Variants in ZMYM1 observed in about 807,000 individuals in gnomAD.
ZMYM1 encodes the protein zinc finger MYM-type containing 1, also known as zinc finger MYM-type protein 1.
A neutral mutation model predicts 60.0 loss-of-function variants in ZMYM1; 39 were observed. The observed-to-expected ratio is 0.65, with a 90% CI of 0.50 to 0.85. The LOEUF is 0.85. Ranked by LOEUF, ZMYM1 falls within the 40% of genes least tolerant of loss-of-function variation. ZMYM1 has a pLI of 0.00. For missense variants in ZMYM1, 1,171 were observed against 1,309.5 expected (o/e 0.89, Z 1.63); for synonymous variants, 413 against 454.0 (o/e 0.91, Z 1.15).
intron 9 of ZMYM1, 113 bp from the exon 10 acceptor site, chr1:35,112,864 G>A (rs1644142566): frequency 3.2e-6 from 3 of 943,266 alleles, no homozygotes; most frequent in Non-Finnish European, 4.3e-6. Flanking sequence ...CCCTAGTGGA[G>A]CTCATACTGT....
At chr1:35,074,358 A>C (rs914084772) in intron 1 of ZMYM1, among the ~76,000 whole-genome samples, 2 of 152,098 alleles carry the variant, frequency 1.3e-5, no homozygotes, top group African/African-American at 4.8e-5. Context: ...TGTTCTGTAA[A>C]TGTCTGTTAA....
Position 35,114,361 on chromosome 1 carries a change from A to T in ZMYM1, c.2531A>T (p.Asp844Val), listed in dbSNP as rs1421162214. Residue 844 changes from aspartate to valine, a missense_variant, in exon 10 of 10, where the codon GAT (aspartate) becomes GTT (valine). By Grantham distance (152) the Asp-to-Val change is radical. Transcript: ENST00000359858. ...ASHSSNTSFA[D>V]ELSHLLTLVS... is the part of the protein sequence containing the mutation. ...CATTCTTCAAATACAAGTTTCGCCG[A>T]TGAATTGAGTCATTTGCTGACATTG... 2 of 1,612,374 alleles carry T rather than the reference A, an allele frequency of 1.2e-6. No homozygotes were observed. Among genetic ancestry groups the T allele is most frequent in the Non-Finnish European group, 1.7e-6 (2 of 1,179,380 alleles).
At chr1:35,065,935 T>C (rs1170445064) in intron 1 of ZMYM1, among the ~76,000 whole-genome samples, 1 of 152,114 alleles carries the variant, frequency 6.6e-6, no homozygotes, top group African/African-American at 2.4e-5. Context: ...TTCAACAATT[T>C]AGGTGAAATG....
rs1380884908 is a variant in ZMYM1 at position 35,115,364 on chromosome 1, T to C, written c.*105T>C. The C allele has an allele frequency of 7.0e-6, 9 of 1,281,418 alleles. No individual in the cohort carries two copies. Among genetic ancestry groups the C allele is most frequent in the Non-Finnish European group, 9.4e-6 (9 of 958,216 alleles). 79.4% of individuals were successfully genotyped at this position (1,281,418 alleles called of 1,614,324 possible). A position where few individuals can be genotyped will look rare whatever the true frequency, so the allele number is the denominator to read the frequency against. On this transcript the variant is annotated 3_prime_UTR_variant, in exon 10 of 10. Transcript: ENST00000359858. ...AGACACAGAACGATAAACAGTGAAG[T>C]CTCCTTCCCTCCTTTAGAACTCATT...
At chr1:35,072,398 G>A (rs1569847541) in intron 1 of ZMYM1, among the ~76,000 whole-genome samples, 1 of 152,210 alleles carries the variant, frequency 6.6e-6, no homozygotes, top group South Asian at 2.1e-4. Flanking sequence ...ATCAGTTGCA[G>A]TGTCTTCTTT....
chr1:35,063,995 G>A (rs775209968), intron 1 of ZMYM1, among the ~76,000 whole-genome samples: 23 of 152,124 alleles, frequency 1.5e-4, no homozygotes, highest in Non-Finnish European at 2.4e-4. Context: ...CGAAATGATA[G>A]ATATCCAGTA....
Position 35,110,399 on chromosome 1 carries a change from A to G in ZMYM1, c.913A>G (p.Ile305Val). 4 of 1,583,362 alleles carry G rather than the reference A, an allele frequency of 2.5e-6. No homozygotes were observed. The highest frequency in any genetic ancestry group is 3.4e-6 in the Non-Finnish European group (4 of 1,166,584). The change falls in exon 7 of 10, where the codon ATT becomes GTT. Residue 305 changes from isoleucine to valine, a missense_variant. Transcript: ENST00000359858. ...GGGGAAGACAGAGCTTTTCTGCTCT[A>G]TTAATTGTTTCTCTGCATACAGTAA... ...DLGKTELFCS[I>V]NCFSAYSKAK...
rs985224238 is a variant in ZMYM1 at position 35,115,815 on chromosome 1, A to C, written c.*556A>C. On this transcript the variant is annotated 3_prime_UTR_variant, in exon 10 of 10. Transcript: ENST00000359858. Reference sequence around the variant, plus strand: ...ATTGTGCCAGTTTACAGTCCCACCCACAATGCATGAGAGTGCCTATTAAAT... The same window carrying C: ...ATTGTGCCAGTTTACAGTCCCACCCCCAATGCATGAGAGTGCCTATTAAAT... 1 of 152,228 alleles carries C rather than the reference A, an allele frequency of 6.6e-6. No individual in the cohort carries two copies. Among genetic ancestry groups the C allele is most frequent in the Non-Finnish European group, 1.5e-5 (1 of 68,096 alleles). 9.4% of individuals were successfully genotyped at this position (152,228 alleles called of 1,614,324 possible). A position where few individuals can be genotyped will look rare whatever the true frequency, so the allele number is the denominator to read the frequency against.
At chr1:35,117,174 G>T (rs1644258533), downstream of ZMYM1, among the ~76,000 whole-genome samples, 1 of 149,286 alleles carries the variant, frequency 6.7e-6, no homozygotes, top group Non-Finnish European at 1.5e-5. Flanking sequence ...CTTTTCTCCA[G>T]CTGTTTCTCC....
In ZMYM1 at chr1:35,070,130, A is replaced by G. The variant is rs552036104; in HGVS notation, c.-300-8864A>G. ...TTTTTATATTTCTGTGAATAATGTC[A>G]TTGGTATTTTTGTAGAGATTGCATT... On this transcript the variant is annotated intron_variant, in intron 1 of 10. Transcript: ENST00000417119. Among the ~76,000 whole-genome samples, 74 of 152,220 alleles carry G rather than the reference A, an allele frequency of 4.9e-4. 1 individual carries two copies. In the South Asian group the frequency reaches 0.014, roughly 29 times the overall value.
intron 1 of ZMYM1, among the ~76,000 whole-genome samples, chr1:35,070,079 T>G (rs1642040894): frequency 6.6e-6 from 1 of 152,234 alleles, no homozygotes; most frequent in Non-Finnish European, 1.5e-5. Flanking sequence ...GAGTTGTTTG[T>G]GGTTCCATTT....
chr1:35,062,006 A>T (rs751268659), intron 1 of ZMYM1, among the ~76,000 whole-genome samples: 74 of 151,302 alleles, frequency 4.9e-4, no homozygotes, highest in Admixed American at 7.9e-4. Flanking sequence ...ATTTTTTTGT[A>T]TTTTTAATAG....
chr1:35,077,464 T>TCCC (rs1312435102), upstream of ZMYM1, among the ~76,000 whole-genome samples: 113 of 152,290 alleles, frequency 7.4e-4, 1 homozygote, highest in South Asian at 0.017. Flanking sequence ...TTTATAAGAT[T>TCCC]AACAAATTAG....
At chr1:35,092,546 G>GTCTTT (rs573933963) in intron 1 of ZMYM1, among the ~76,000 whole-genome samples, 126 of 151,230 alleles carry the variant, frequency 8.3e-4, no homozygotes, top group South Asian at 5.9e-3. Context: ...CGGCCAACAG[G>GTCTTT]TCTTTTCTTT....
chr1:35,073,081 CG>C (rs75184290), intron 1 of ZMYM1, among the ~76,000 whole-genome samples: 8,408 of 145,448 alleles, frequency 0.058, 534 homozygotes, highest in East Asian at 0.39. Context: ...GATTCCATCT[CG>C]AAAAAAAAAA....
At chr1:35,101,514 G>A (rs2148536105) in intron 4 of ZMYM1, among the ~76,000 whole-genome samples, 1 of 150,176 alleles carries the variant, frequency 6.7e-6, no homozygotes, top group Non-Finnish European at 1.5e-5. Flanking sequence ...ATGCGTCGCT[G>A]ATGTAGTTTC....
At chr1:35,074,861 T>A (rs1276057557), upstream of ZMYM1, among the ~76,000 whole-genome samples, 1,122 of 151,858 alleles carry the variant, frequency 7.4e-3, 16 homozygotes, top group African/African-American at 0.025. Flanking sequence ...ATATATTTTT[T>A]TTTTTTTTAA....
In ZMYM1 at chr1:35,112,963, A is replaced by G. The variant is rs375989269; in HGVS notation, c.1147-14A>G. 5.1e-5 allele frequency: 77 copies of G among 1,507,418 alleles called. No individual in the cohort carries two copies. Among genetic ancestry groups the G allele is most frequent in the Non-Finnish European group, 6.5e-5 (74 of 1,130,630 alleles). 93.4% of individuals were successfully genotyped at this position (1,507,418 alleles called of 1,614,324 possible). A position where few individuals can be genotyped will look rare whatever the true frequency, so the allele number is the denominator to read the frequency against. ...GAAAACTGTTAAATGTTCTTTTCTC[A>G]TTTTCTCCCAAAGCTTTCTAAGAGT... On this transcript the variant is annotated splice_polypyrimidine_tract_variant and intron_variant, in intron 9 of 9. Coordinates refer to ENST00000359858, the MANE Select transcript of ZMYM1 (RefSeq NM_024772.5).
intron 1 of ZMYM1, among the ~76,000 whole-genome samples, chr1:35,085,847 T>TGTG (rs2148496332): frequency 6.6e-6 from 1 of 152,318 alleles, no homozygotes; most frequent in African/African-American, 2.4e-5. Context: ...CCCTAGCATT[T>TGTG]GTGGGGTCCT....
Sources: allele counts gnomAD v4.1 joint callset (sites outside exome capture counted in the v4.1 genomes callset), GRCh38; gene constraint gnomAD v4.1.1; transcripts MANE v1.5; gene names NCBI Gene and HGNC (gene_info 2026-07-23, HGNC 2026-07-21).